BCAS3: variants seen among roughly 807,000 people sequenced by gnomAD.
BCAS3 encodes the protein BCAS4/BCAS3 fusion.
In BCAS3, 53 loss-of-function variants were observed where a neutral mutation model predicts 116.1. The observed-to-expected ratio is 0.46, with a 90% CI of 0.37 to 0.57. The LOEUF is 0.57. BCAS3 is among the 20% of genes least tolerant of loss of function. The pLI, the probability that BCAS3 is intolerant of heterozygous loss-of-function variation, is 0.00. For synonymous variants in BCAS3, 391 were observed against 408.2 expected, an observed-to-expected ratio of 0.96 and a Z score of 0.51; for missense variants, 917 against 1,165.4, an observed-to-expected ratio of 0.79 and a Z score of 3.10.
chr17:60,952,254 GTTATT>G (rs1345268578), intron 14 of BCAS3, among the ~76,000 whole-genome samples: 6 of 151,834 alleles, frequency 4.0e-5, no homozygotes, highest in Admixed American at 3.9e-4. Context: ...CTTTATCTCT[GTTATT>G]TTATTCTCAG....
At chr17:61,185,389 TA>T (rs1458778270) in intron 22 of BCAS3, among the ~76,000 whole-genome samples, 1 of 152,170 alleles carries the variant, frequency 6.6e-6, no homozygotes, top group Non-Finnish European at 1.5e-5. Context: ...ACAGTAGTAA[TA>T]ATTAAAATTT....
At chr17:60,684,627 C>T (rs753020249) in intron 3 of BCAS3, among the ~76,000 whole-genome samples, 5 of 151,948 alleles carry the variant, frequency 3.3e-5, no homozygotes, top group Non-Finnish European at 5.9e-5. Context: ...GTAATAATTT[C>T]CTCTCTCAGA....
rs753144717 is a variant in BCAS3, at chr17:61,263,383, G to T, written c.2426-104944G>T. ...AGCTGCTACTAACCTGGACATAGGG[G>T]TGAGAGAGCCAAGGAGAGAAATACC... On this transcript the variant is annotated intron_variant, in intron 22 of 23. Transcript: ENST00000407086. Among the ~76,000 whole-genome samples the T allele has an allele frequency of 6.6e-5, 10 of 152,222 alleles. No individual in the cohort carries two copies. In the East Asian group the frequency reaches 1.9e-3, roughly 29 times the overall value.
intron 8 of BCAS3, among the ~76,000 whole-genome samples, chr17:60,872,020 A>G (rs2055150328): frequency 6.6e-6 from 1 of 152,022 alleles, no homozygotes; most frequent in Admixed American, 6.5e-5. Context: ...ATCCTTTGTT[A>G]ATAGTGATAT....
chr17:60,994,761 A>T lies in BCAS3; in HGVS notation c.1486+4526A>T, dbSNP rs1239520910. Reference sequence around the variant, plus strand: ...ATTATTATTGCCTCTTTGAATGCCTACTAAGCAAGCTAAAATATTACTGCC... The same window carrying T: ...ATTATTATTGCCTCTTTGAATGCCTTCTAAGCAAGCTAAAATATTACTGCC... On this transcript the variant is annotated intron_variant, in intron 15 of 23. Transcript: ENST00000407086. This position sits in a 1 kb window ranked among gnomAD's most constrained non-coding sequence, Gnocchi z 4.4. Among the ~76,000 whole-genome samples the T allele has an allele frequency of 6.6e-6, 1 of 152,232 alleles. No homozygotes were observed. Among genetic ancestry groups the T allele is most frequent in the Non-Finnish European group, 1.5e-5 (1 of 68,042 alleles).
At chr17:60,815,332 A>G (rs1418440449) in intron 7 of BCAS3, among the ~76,000 whole-genome samples, 1 of 152,172 alleles carries the variant, frequency 6.6e-6, no homozygotes, top group Non-Finnish European at 1.5e-5. Context: ...ATTAGGAGAT[A>G]TACCTAATAT....
At chr17:60,754,197 A>T (rs1250397127) in intron 6 of BCAS3, among the ~76,000 whole-genome samples, 1 of 148,784 alleles carries the variant, frequency 6.7e-6, no homozygotes, top group Non-Finnish European at 1.5e-5. Flanking sequence ...GCCATACCTG[A>T]CTTCTTTTTT....
At chr17:61,071,795 T>G (rs144834637) in intron 19 of BCAS3, among the ~76,000 whole-genome samples, 1 of 152,320 alleles carries the variant, frequency 6.6e-6, no homozygotes, top group African/African-American at 2.4e-5. Flanking sequence ...CAATTAATGA[T>G]TAATTTATTG....
At position 61,076,448 on chromosome 17, in the gene BCAS3, G is replaced by A. The variant is rs925611913; in HGVS notation, c.2130+1428G>A. Among the ~76,000 whole-genome samples the A allele has an allele frequency of 2.6e-5, 4 of 152,328 alleles. No individual in the cohort carries two copies. In the South Asian group the frequency reaches 6.2e-4, roughly 24 times the overall value. On this transcript the variant is annotated intron_variant, in intron 20 of 23. Transcript: ENST00000407086. ...ATTCACAGGAAGTTCCTTGAAGGAA[G>A]TTGATTCTTCAGTTCCTGGCATGTG...
At chr17:60,824,533 C>G (rs1314851731) in intron 7 of BCAS3, among the ~76,000 whole-genome samples, 1 of 152,210 alleles carries the variant, frequency 6.6e-6, no homozygotes, top group African/African-American at 2.4e-5. Context: ...AGCCTGTTTT[C>G]AGCATTTCCC....
intron 23 of BCAS3, chr17:61,384,258 A>G (rs2059741723): frequency 1.3e-5 from 2 of 152,322 alleles, no homozygotes; most frequent in African/African-American, 4.8e-5. Context: ...AGCTGGAGCT[A>G]GGAGAGACAT....
At chr17:61,296,494 G>T (rs2052922368) in intron 22 of BCAS3, among the ~76,000 whole-genome samples, 1 of 152,106 alleles carries the variant, frequency 6.6e-6, no homozygotes, top group South Asian at 2.1e-4. Context: ...TTTGACGAAG[G>T]TACATGAAAT....
At chr17:60,706,770 C>CA (rs1438634367) in intron 4 of BCAS3, among the ~76,000 whole-genome samples, 1 of 146,432 alleles carries the variant, frequency 6.8e-6, no homozygotes, top group African/African-American at 2.5e-5. Flanking sequence ...AAAAACAAAA[C>CA]AAAACAAAAC....
chr17:61,147,456 TAATC>T (rs2077289971), intron 22 of BCAS3, among the ~76,000 whole-genome samples: 1 of 152,052 alleles, frequency 6.6e-6, no homozygotes, highest in Non-Finnish European at 1.5e-5. Context: ...CTCCTGAGCT[TAATC>T]AGTCTATCCA....
At chr17:60,900,880 G>A (rs1599554927) in intron 10 of BCAS3, among the ~76,000 whole-genome samples, 1 of 151,966 alleles carries the variant, frequency 6.6e-6, no homozygotes, top group South Asian at 2.1e-4. Context: ...TTACTTTTGT[G>A]TAGAACTGCT....
intron 14 of BCAS3, among the ~76,000 whole-genome samples, chr17:60,986,627 G>C (rs527439768): frequency 4.6e-5 from 7 of 152,166 alleles, no homozygotes; most frequent in African/African-American, 1.7e-4. Context: ...ATACTTGTTT[G>C]CCATTTGTAT....
At chr17:60,808,110 A>G (rs773093242) in intron 7 of BCAS3, 34 bp downstream of exon 7, 66 of 1,389,054 alleles carry the variant, frequency 4.8e-5, no homozygotes, top group Middle Eastern at 3.6e-4. Context: ...TGTATCACCT[A>G]TTACAAATTT....
chr17:61,303,911 A>G (rs1175671357), intron 22 of BCAS3, among the ~76,000 whole-genome samples: 1 of 152,172 alleles, frequency 6.6e-6, no homozygotes, highest in Non-Finnish European at 1.5e-5. Context: ...AGATAGATGA[A>G]GAGTAGGCAT....
intron 9 of BCAS3, among the ~76,000 whole-genome samples, chr17:60,878,134 C>G (rs1381442137): frequency 6.6e-6 from 1 of 151,804 alleles, no homozygotes; most frequent in Non-Finnish European, 1.5e-5. Flanking sequence ...CTCAGCTTCC[C>G]AAGTAGCTGG....
Sources: allele counts gnomAD v4.1 joint callset (sites outside exome capture counted in the v4.1 genomes callset), GRCh38; gene constraint gnomAD v4.1.1; non-coding constraint Gnocchi (gnomAD v3.1); transcripts MANE v1.5; gene names NCBI Gene and HGNC (gene_info 2026-07-23, HGNC 2026-07-21).